Variants in NDUFAF7 observed in about 807,000 individuals in gnomAD.
NDUFAF7 encodes protein arginine methyltransferase NDUFAF7, mitochondrial.
A neutral mutation model predicts 47.2 loss-of-function variants in NDUFAF7; 48 were observed. The ratio of observed to expected loss-of-function variants is 1.02; its 90% CI spans 0.81 to 1.29. The LOEUF (loss-of-function observed/expected upper bound fraction) is 1.29, where lower values mean the gene tolerates loss of function less well. NDUFAF7 is among the 50% of genes most tolerant of loss of function. The pLI, the probability that NDUFAF7 is intolerant of heterozygous loss-of-function variation, is 0.00. For synonymous variants in NDUFAF7, 217 were observed against 190.0 expected, an observed-to-expected ratio of 1.14 and a Z score of -1.17; for missense variants, 635 against 537.6, an observed-to-expected ratio of 1.18 and a Z score of -1.79.
downstream of NDUFAF7, chr2:37,256,972 T>C (rs752187361): frequency 2.1e-5 from 33 of 1,595,430 alleles, no homozygotes; most frequent in Middle Eastern, 1.7e-4. Flanking sequence ...TATAGTGTTA[T>C]ATATGTAACT....
At chr2:37,246,332 A>G in intron 8 of NDUFAF7, 137 bp downstream of exon 8, 1 of 1,042,540 alleles carries the variant, frequency 9.6e-7, no homozygotes. Flanking sequence ...ATGTTATTGT[A>G]ATTCCCCTTA....
Position 37,248,513 on chromosome 2 carries a change from G to T in NDUFAF7, c.*163G>T. On this transcript the variant is annotated 3_prime_UTR_variant, in exon 10 of 10. Transcript: ENST00000002125. ...CAACCAACATTATAGAACTTTTAGG[G>T]TTGTGACTGGCTTTGGTGCAAATGT... 1.4e-6 allele frequency: 1 copy of T among 726,360 alleles called. No individual in the cohort carries two copies. Among genetic ancestry groups the T allele is most frequent in the Non-Finnish European group, 2.4e-6 (1 of 422,318 alleles). 45.0% of individuals were successfully genotyped at this position (726,360 alleles called of 1,614,324 possible).
chr2:37,237,127 C>T lies in NDUFAF7; in HGVS notation c.298-630C>T, dbSNP rs562785574. 1.8e-4 allele frequency among the ~76,000 whole-genome samples: 28 copies of T among 152,236 alleles called. 1 individual carries two copies. The South Asian group carries it at 5.2e-3, about 28-fold the overall frequency. On this transcript the variant is annotated intron_variant, in intron 3 of 9. Transcript: ENST00000002125. ...CTGGGATTACAGGCATGTGCCACCA[C>T]TCCTGGCTAATTTTGTATTTTTAGT...
chr2:37,265,769 C>T, the NDUFAF7 span, among the ~76,000 whole-genome samples: 2 of 152,170 alleles, frequency 1.3e-5, no homozygotes, highest in Non-Finnish European at 2.9e-5. Flanking sequence ...ATCCTACAAT[C>T]TATTCCCAGT....
chr2:37,264,455 A>G, the NDUFAF7 span, among the ~76,000 whole-genome samples: 3,359 of 151,350 alleles, frequency 0.022, 54 homozygotes, highest in Middle Eastern at 0.034. Flanking sequence ...ATAAAATAGT[A>G]AATTACCTAG....
chr2:37,238,461 A>G (rs937261236), intron 4 of NDUFAF7, among the ~76,000 whole-genome samples: 2 of 152,036 alleles, frequency 1.3e-5, no homozygotes, highest in Admixed American at 6.5e-5. Flanking sequence ...AAAAAAAAAA[A>G]AAGTTTAGGC....
Position 37,236,947 on chromosome 2 carries a change from C to T in NDUFAF7, c.297+771C>T, listed in dbSNP as rs780316432. Among the ~76,000 whole-genome samples the T allele has an allele frequency of 7.2e-5, 11 of 152,076 alleles. No individual in the cohort carries two copies. In the Middle Eastern group the frequency reaches 0.014, roughly 188 times the overall value. ...TAAAGCTCCCAGTCATGATTTTAGC[C>T]GTACTTACAGTAAAAGTCTTCTTTT... is the stretch of plus-strand genomic sequence containing the variant. On this transcript the variant is annotated intron_variant, in intron 3 of 9. Transcript: ENST00000002125.
rs1044146842 is a variant in NDUFAF7 at position 37,241,874 on chromosome 2, T to C, written c.622+83T>C. ...ATGGGACTGTAACTTTTTACAGCAA[T>C]ATAATAGATTGAGTTACTGCTGCCA... On this transcript the variant is annotated intron_variant, in intron 5 of 9. Transcript: ENST00000002125. 13 of 1,224,488 alleles carry C rather than the reference T, an allele frequency of 1.1e-5. No individual in the cohort carries two copies. The East Asian group carries it at 2.9e-4, about 28-fold the overall frequency. The allele number at this position is 1,224,488 out of a possible 1,614,324, so 75.9% of individuals were successfully genotyped here. A position where few individuals can be genotyped will look rare whatever the true frequency, so the allele number is the denominator to read the frequency against.
chr2:37,265,876 C>T, the NDUFAF7 span, among the ~76,000 whole-genome samples: 1 of 152,042 alleles, frequency 6.6e-6, no homozygotes, highest in African/African-American at 2.4e-5. Flanking sequence ...TATTATGATC[C>T]ATAGCTGATA....
chr2:37,257,002 A>C, downstream of NDUFAF7: 1 of 1,479,464 alleles, frequency 6.8e-7, no homozygotes, highest in South Asian at 1.2e-5. Context: ...TAAATATAAC[A>C]CTGTATGTAT....
At chr2:37,269,518 G>T in the NDUFAF7 span, 2 of 1,093,342 alleles carry the variant, frequency 1.8e-6, no homozygotes, top group South Asian at 1.3e-5. Flanking sequence ...AAAGGCACTG[G>T]ACAAAACTAT....
At position 37,232,349 on chromosome 2, in the gene NDUFAF7, T is replaced by G. The variant is rs1177766301; in HGVS notation, c.216+83T>G. On this transcript the variant is annotated intron_variant, in intron 2 of 9. Transcript: ENST00000002125. ...CCAGGAGGGAGAAGCCCGAAGGTTC[T>G]CAGCCCAGGCAGTGGGGGTGCCTGC... 8.3e-6 allele frequency: 13 copies of G among 1,568,112 alleles called. No individual in the cohort carries two copies. The East Asian group carries it at 2.9e-4, about 35-fold the overall frequency.
rs1336398279 is a variant in NDUFAF7, at chr2:37,248,373, C to T, written c.*23C>T. ...TGATATTTCAGCTTGGACATTTTAC[C>T]CTTCAGTCGGCCCAAGAAATCAAAA... On this transcript the variant is annotated 3_prime_UTR_variant, in exon 10 of 10. Coordinates refer to ENST00000002125, the MANE Select transcript of NDUFAF7 (RefSeq NM_144736.5). The T allele has an allele frequency of 1.3e-6, 2 of 1,594,666 alleles. No individual in the cohort carries two copies. The highest frequency in any genetic ancestry group is 2.7e-5 in the African/African-American group (2 of 74,388).
downstream of NDUFAF7, among the ~76,000 whole-genome samples, chr2:37,257,102 C>T (rs143602928): frequency 7.9e-5 from 12 of 152,242 alleles, no homozygotes; most frequent in African/African-American, 2.9e-4. Flanking sequence ...AAGGCAGACA[C>T]ATTTATAGCC....
downstream of NDUFAF7, among the ~76,000 whole-genome samples, chr2:37,249,776 A>C (rs866486243): frequency 1.3e-5 from 2 of 152,090 alleles, no homozygotes; most frequent in African/African-American, 4.8e-5. Flanking sequence ...TACTGGAAAC[A>C]AAGAGTTAGA....
downstream of NDUFAF7, among the ~76,000 whole-genome samples, chr2:37,249,566 C>G (rs973825523): frequency 3.6e-3 from 166 of 46,028 alleles, 3 homozygotes; most frequent in South Asian, 0.02. Flanking sequence ...TAGACACACA[C>G]ACACACACAC....
rs140492114 is a variant in NDUFAF7 at position 37,248,381 on chromosome 2, C to A, written c.*31C>A. 14 of 1,580,214 alleles carry A rather than the reference C, an allele frequency of 8.9e-6. 1 individual carries two copies. In the African/African-American group the frequency reaches 1.2e-4, roughly 14 times the overall value. Reference sequence around the variant, plus strand: ...CAGCTTGGACATTTTACCCTTCAGTCGGCCCAAGAAATCAAAATAAAGGAA... The same window carrying A: ...CAGCTTGGACATTTTACCCTTCAGTAGGCCCAAGAAATCAAAATAAAGGAA... On this transcript the variant is annotated 3_prime_UTR_variant, in exon 10 of 10. Coordinates refer to ENST00000002125, the MANE Select transcript of NDUFAF7 (RefSeq NM_144736.5).
chr2:37,253,585 T>G (rs1286280120), downstream of NDUFAF7, among the ~76,000 whole-genome samples: 1 of 152,146 alleles, frequency 6.6e-6, no homozygotes, highest in African/African-American at 2.4e-5. Flanking sequence ...ATTTCTGAAA[T>G]TAAAAAAAAT....
At position 37,236,160 on chromosome 2, in the gene NDUFAF7, G is replaced by A. The variant is rs1665731699; in HGVS notation, c.281G>A (p.Ser94Asn). The change falls in exon 3 of 10, where the codon AGT becomes AAT. Residue 94 changes from serine (S) to asparagine (N), a missense_variant. Physicochemically the swap from Ser to Asn is conservative, Grantham distance 46. Transcript: ENST00000002125. Reference sequence around the variant, plus strand: ...GATTTCATTACTTCACCTGAAATAAGTCAAATCTTTGGGGAGGTAATATAC... The same window carrying A: ...GATTTCATTACTTCACCTGAAATAAATCAAATCTTTGGGGAGGTAATATAC... Reference protein sequence around the residue: ...KGDFITSPEISQIFGELLGIW... With the variant: ...KGDFITSPEINQIFGELLGIW... 1 of 1,611,168 alleles carries A rather than the reference G, an allele frequency of 6.2e-7. No homozygotes were observed. The highest frequency in any genetic ancestry group is 8.5e-7 in the Non-Finnish European group (1 of 1,177,446).
Sources: gnomAD v4.1 joint callset for allele counts (sites outside exome capture counted in the v4.1 genomes callset) on GRCh38, gnomAD v4.1.1 for gene constraint, MANE v1.5 for transcripts, NCBI Gene and HGNC (gene_info 2026-07-23, HGNC 2026-07-21) for gene names.